Variants in ZPLD1 observed in about 807,000 individuals in gnomAD.
The protein encoded by ZPLD1 is zona pellucida like domain containing 1, also known as zona pellucida-like domain-containing protein 1.
A neutral mutation model predicts 47.2 loss-of-function variants in ZPLD1; 34 were observed. That is an observed-to-expected ratio of 0.72 (90% CI 0.55 to 0.96). ZPLD1 has a LOEUF of 0.96. ZPLD1 is among the 40% of genes least tolerant of loss of function. ZPLD1 has a pLI of 0.00. For synonymous variants in ZPLD1, 176 were observed against 186.2 expected (o/e 0.95, Z 0.45); for missense variants, 512 against 505.8 (o/e 1.01, Z -0.12).
At chr3:102,440,731 G>GAAAAAAAA (rs77649810) in intron 3 of ZPLD1, among the ~76,000 whole-genome samples, 1 of 112,870 alleles carries the variant, frequency 8.9e-6, no homozygotes, top group African/African-American at 3.2e-5. Flanking sequence ...TTGTGATTGG[G>GAAAAAAAA]AAAAAAAAAA....
rs1707660340 is a variant in ZPLD1, at chr3:102,470,295, CAT to C, written c.934-98_934-97del. On this transcript the variant is annotated intron_variant, in intron 9 of 11. Transcript: ENST00000466937. ...ACGGAAGGAAATGAATAAAATTAAA[CAT>C]GTGGTATCTCTTCCAAAAGAATCTG... The C allele has an allele frequency of 1.6e-5, 13 of 800,134 alleles. No individual in the cohort carries two copies. The Admixed American group carries it at 2.3e-4, about 14-fold the overall frequency. 49.6% of individuals were successfully genotyped at this position (800,134 alleles called of 1,614,324 possible).
Position 102,445,561 on chromosome 3 carries a change from A to G in ZPLD1, c.106+6968A>G, listed in dbSNP as rs746737888. ...AAGTTGTAACATCAGCATCACCTGG[A>G]GGCTTGTAAGAAATGCCAAAACTCA... is the stretch of plus-strand genomic sequence containing the variant. On this transcript the variant is annotated intron_variant, in intron 3 of 11. Coordinates refer to ENST00000466937, the MANE Select transcript of ZPLD1 (RefSeq NM_001329788.2). 2.0e-5 allele frequency among the ~76,000 whole-genome samples: 3 copies of G among 152,350 alleles called. No homozygotes were observed. The East Asian group carries it at 5.8e-4, about 29-fold the overall frequency.
At chr3:102,448,107 C>T (rs1046794695) in intron 3 of ZPLD1, among the ~76,000 whole-genome samples, 1 of 152,086 alleles carries the variant, frequency 6.6e-6, no homozygotes, top group Admixed American at 6.6e-5. Context: ...ATTATTTTTA[C>T]CCTATTCAGT....
intron 4 of ZPLD1, among the ~76,000 whole-genome samples, chr3:102,455,886 G>A (rs1364163955): frequency 6.6e-6 from 1 of 152,142 alleles, no homozygotes; most frequent in Non-Finnish European, 1.5e-5. Context: ...TTTCAGCCAT[G>A]CCAGAGAATT....
chr3:102,406,820 G>T lies in ZPLD1; in HGVS notation c.-156-11240G>T, dbSNP rs547234854. 3.7e-4 allele frequency among the ~76,000 whole-genome samples: 56 copies of T among 152,022 alleles called. No individual in the cohort carries two copies. In the South Asian group the frequency reaches 6.2e-3, roughly 17 times the overall value. On this transcript the variant is annotated intron_variant, in intron 7 of 17. Coordinates refer to the ZPLD1 transcript ENST00000491959. ...TCAGAGCCTATCTTTCTCTTTGAGT[G>T]AAATCGTTCAGAATTGCATTTTCCA...
chr3:102,461,445 T>C (rs920084688), intron 6 of ZPLD1, among the ~76,000 whole-genome samples: 31 of 152,128 alleles, frequency 2.0e-4, no homozygotes, highest in African/African-American at 7.5e-4. Context: ...AAATAAGCTC[T>C]CTAGAACTGG....
At chr3:102,477,131 T>G (rs1245367245) in intron 11 of ZPLD1, 90 bp downstream of exon 11, 2 of 1,449,862 alleles carry the variant, frequency 1.4e-6, no homozygotes, top group Non-Finnish European at 9.7e-7. Context: ...GAGCTTGAGT[T>G]TTCCAAGTTT....
At chr3:102,419,823 T>C (rs1214605225) in intron 8 of ZPLD1, among the ~76,000 whole-genome samples, 3 of 151,946 alleles carry the variant, frequency 2.0e-5, no homozygotes, top group African/African-American at 7.2e-5. Context: ...GATAATCTTT[T>C]GTCTCATTTA....
rs183291958 is a variant in ZPLD1 at position 102,397,570 on chromosome 3, C to G, written c.-157+5345C>G. On this transcript the variant is annotated intron_variant, in intron 7 of 17. Coordinates refer to the ZPLD1 transcript ENST00000491959. ...TGATGAAGCATTTTAAAAATTAAAG[C>G]CTTAAATTTTGACAAGTAGTGATAT... Among the ~76,000 whole-genome samples, 27 of 152,056 alleles carry G rather than the reference C, an allele frequency of 1.8e-4. 1 individual carries two copies. In the East Asian group the frequency reaches 5.0e-3, roughly 28 times the overall value.
chr3:102,399,760 G>A (rs1388176688), intron 7 of ZPLD1, among the ~76,000 whole-genome samples: 1 of 152,010 alleles, frequency 6.6e-6, no homozygotes, highest in African/African-American at 2.4e-5. Context: ...CTGGATCAAA[G>A]ACTATGGGAT....
chr3:102,445,551 C>A (rs1707244009), intron 3 of ZPLD1, among the ~76,000 whole-genome samples: 1 of 152,224 alleles, frequency 6.6e-6, no homozygotes. Context: ...GTAACATCAG[C>A]ATCACCTGGA....
chr3:102,444,253 C>T (rs1445202150), intron 3 of ZPLD1, among the ~76,000 whole-genome samples: 1 of 152,158 alleles, frequency 6.6e-6, no homozygotes, highest in Non-Finnish European at 1.5e-5. Context: ...CAAAGTTTGC[C>T]TCAGACTGCT....
At chr3:102,446,755 CA>C (rs1400091866) in intron 3 of ZPLD1, among the ~76,000 whole-genome samples, 3 of 152,146 alleles carry the variant, frequency 2.0e-5, no homozygotes, top group African/African-American at 7.2e-5. Flanking sequence ...GCTACCAAGA[CA>C]AGTTTGTTTA....
At position 102,457,824 on chromosome 3, in the gene ZPLD1, G is replaced by A; in HGVS notation, c.553G>A (p.Val185Ile). 1 of 1,613,962 alleles carries A rather than the reference G, an allele frequency of 6.2e-7. No individual in the cohort carries two copies. Among genetic ancestry groups the A allele is most frequent in the South Asian group, 1.1e-5 (1 of 91,076 alleles). ...TGTGAGAGAGAACAATGGCACATTT[G>A]TCAGCACTTTGAACCTGCTCCTTTA... ...ISVRENNGTF[V>I]STLNLLLYND... The change falls in exon 6 of 12, where the codon GTC becomes ATC. Residue 185 changes from valine (V) to isoleucine (I), a missense_variant. Transcript: ENST00000466937.
intron 7 of ZPLD1, chr3:102,418,005 T>C (rs1706829325): frequency 6.6e-6 from 1 of 152,316 alleles, no homozygotes; most frequent in Non-Finnish European, 1.5e-5. Context: ...TTGTGAGACC[T>C]GTGGAAGCAT....
chr3:102,403,142 C>A (rs903831030), intron 7 of ZPLD1, among the ~76,000 whole-genome samples: 1 of 151,758 alleles, frequency 6.6e-6, no homozygotes, highest in Non-Finnish European at 1.5e-5. Context: ...TTCACAAATA[C>A]GTTCATTCTG....
intron 1 of ZPLD1, 73 bp downstream of exon 1, chr3:102,435,227 GA>G: frequency 6.5e-7 from 1 of 1,549,468 alleles, no homozygotes; most frequent in Non-Finnish European, 8.9e-7. Context: ...GAACTATAAA[GA>G]AGGCTTGAAA....
chr3:102,440,408 GA>G (rs746637180), intron 3 of ZPLD1, among the ~76,000 whole-genome samples: 2 of 152,098 alleles, frequency 1.3e-5, no homozygotes, highest in Admixed American at 6.5e-5. Context: ...GGAGGTGAGA[GA>G]AAGAGAAGAT....
chr3:102,477,774 G>C lies in ZPLD1; in HGVS notation c.*156G>C, dbSNP rs904583371. 1.5e-5 allele frequency: 10 copies of C among 667,026 alleles called. No homozygotes were observed. Among genetic ancestry groups the C allele is most frequent in the Middle Eastern group, 4.3e-4 (1 of 2,312 alleles). The allele number at this position is 667,026 out of a possible 1,614,324, so 41.3% of individuals were successfully genotyped here. On this transcript the variant is annotated 3_prime_UTR_variant, in exon 12 of 12. Coordinates refer to ENST00000466937, the MANE Select transcript of ZPLD1 (RefSeq NM_001329788.2). ...GCTTGTCAGCATAATGATAGTGAAA[G>C]AAGTTTATTATATTGCTATTGTCAC... is the stretch of plus-strand genomic sequence containing the variant.
Sources: gnomAD v4.1 joint callset for allele counts (sites outside exome capture counted in the v4.1 genomes callset) on GRCh38, gnomAD v4.1.1 for gene constraint, MANE v1.5 for transcripts, NCBI Gene and HGNC (gene_info 2026-07-23, HGNC 2026-07-21) for gene names.